F8: variants seen among roughly 807,000 people sequenced by gnomAD.
The protein encoded by F8 is antihemophilic factor.
In F8, 12 loss-of-function variants were observed where a neutral mutation model predicts 140.6. That is an observed-to-expected ratio of 0.09 (90% confidence interval 0.05 to 0.14). The LOEUF (loss-of-function observed/expected upper bound fraction) is 0.14, where lower values mean the gene tolerates loss of function less well. Among genes scored for constraint, F8 ranks in the 10% least tolerant of loss-of-function variants. F8 has a pLI of 1.00. For synonymous variants in F8, 585 were observed against 614.6 expected (o/e 0.95, Z 0.71); for missense variants, 1,354 against 1,720.7 (o/e 0.79, Z 3.77).
At chrX:154,946,145 G>A (rs782085997) in intron 13 of F8, among the ~76,000 whole-genome samples, 1 of 111,867 alleles carries the variant, frequency 8.9e-6, no homozygotes, top group African/African-American at 3.2e-5. Flanking sequence ...AACTAATATT[G>A]TTAAAATATC....
rs782684695 is a variant in F8, at chrX:154,910,529, G to A, written c.5220-3956C>T. ...GTATACACGTGTAACAAACCTGCAC[G>A]TTGTGCACATGTACCCTAGAACTTA... is the stretch of plus-strand genomic sequence containing the variant. On this transcript the variant is annotated intron_variant, in intron 14 of 25. Coordinates refer to ENST00000360256, the MANE Select transcript of F8 (RefSeq NM_000132.4). Among the ~76,000 whole-genome samples the A allele has an allele frequency of 9.0e-5, 10 of 111,698 alleles. No homozygotes were observed. In the South Asian group the frequency reaches 2.3e-3, roughly 26 times the overall value.
chrX:154,924,886 G>A (rs1031009511), intron 14 of F8, among the ~76,000 whole-genome samples: 4 of 112,082 alleles, frequency 3.6e-5, no homozygotes, highest in African/African-American at 1.3e-4. Flanking sequence ...TGGCTGTAGC[G>A]GCTGGGACAC....
At chrX:154,850,890 A>G (rs2072610748) in intron 25 of F8, among the ~76,000 whole-genome samples, 4 of 112,120 alleles carry the variant, frequency 3.6e-5, no homozygotes, top group Admixed American at 2.8e-4. Flanking sequence ...TGACTTATCT[A>G]TTGCAAAATT....
chrX:155,006,292 C>T (rs1197409965), intron 1 of F8, among the ~76,000 whole-genome samples: 1 of 77,862 alleles, frequency 1.3e-5, no homozygotes, highest in Non-Finnish European at 2.4e-5. Flanking sequence ...AGGGTGGATG[C>T]GAAGCAGTAA....
At chrX:154,875,344 A>G (rs1197312484) in intron 22 of F8, among the ~76,000 whole-genome samples, 1 of 111,899 alleles carries the variant, frequency 8.9e-6, no homozygotes, top group Non-Finnish European at 1.9e-5. Flanking sequence ...AAATTTGCTA[A>G]AAGAGTAGGT....
intron 1 of F8, among the ~76,000 whole-genome samples, chrX:155,015,162 T>C (rs1364101106): frequency 8.9e-6 from 1 of 111,792 alleles, no homozygotes; most frequent in Admixed American, 9.5e-5. Context: ...GGGAATTCAA[T>C]AGAGAAAGAA....
chrX:155,008,689 G>T (rs1178126882), intron 1 of F8, among the ~76,000 whole-genome samples: 1 of 110,337 alleles, frequency 9.1e-6, no homozygotes, highest in African/African-American at 3.3e-5. Context: ...TGCCTGTGGG[G>T]GCCACGCACC....
chrX:154,926,711 C>G (rs1185648733), intron 14 of F8, among the ~76,000 whole-genome samples: 2 of 111,582 alleles, frequency 1.8e-5, no homozygotes, highest in Non-Finnish European at 3.8e-5. Context: ...GAAGGCTGAG[C>G]AATCAGCAGG....
intron 24 of F8, among the ~76,000 whole-genome samples, chrX:154,861,124 T>G (rs981233509): frequency 1.8e-5 from 2 of 110,815 alleles, no homozygotes; most frequent in Admixed American, 9.6e-5. Flanking sequence ...TAGCATGATC[T>G]CAGCTCACTG....
chrX:154,843,726 C>T (rs2072540910), intron 25 of F8, among the ~76,000 whole-genome samples: 1 of 111,939 alleles, frequency 8.9e-6, no homozygotes, highest in Non-Finnish European at 1.9e-5. Context: ...AACATTTTCT[C>T]CCAATTTGTA....
chrX:155,005,393 A>G (rs1268699617), intron 1 of F8, among the ~76,000 whole-genome samples: 1 of 109,221 alleles, frequency 9.2e-6, no homozygotes, highest in Non-Finnish European at 1.9e-5. Context: ...CATGATGACC[A>G]GATACCTTAT....
At chrX:154,999,926 C>T (rs1301463925) in intron 1 of F8, among the ~76,000 whole-genome samples, 7 of 112,001 alleles carry the variant, frequency 6.2e-5, no homozygotes, top group African/African-American at 1.9e-4. Context: ...CAAATTTTGT[C>T]AGTATGTACC....
chrX:154,986,679 C>T (rs191022249), intron 5 of F8, among the ~76,000 whole-genome samples: 17 of 110,772 alleles, frequency 1.5e-4, no homozygotes. Flanking sequence ...ATCATGAGGG[C>T]CTCAATTAAG....
At chrX:154,932,092 T>C (rs2073201742) in intron 13 of F8, among the ~76,000 whole-genome samples, 1 of 112,317 alleles carries the variant, frequency 8.9e-6, no homozygotes, top group Admixed American at 9.4e-5. Context: ...TTGCCTGGAT[T>C]CAAATCCCAG....
Position 154,929,445 on chromosome X carries a change from C to T in F8, c.4345G>A (p.Glu1449Lys). 8.3e-7 allele frequency: 1 copy of T among 1,211,679 alleles called. No individual in the cohort carries two copies. The highest frequency in any genetic ancestry group is 1.1e-6 in the Non-Finnish European group (1 of 895,486). ...SYRKKDSGVQESSHFLQGAKK... is the reference protein window; with the variant it reads ...SYRKKDSGVQKSSHFLQGAKK... Reference sequence around the variant, plus strand: ...GCTCCTTGTAAGAAATGACTGCTTTCTTGGACCCCAGAATCTTTCTTTCTA... The same window carrying T: ...GCTCCTTGTAAGAAATGACTGCTTTTTTGGACCCCAGAATCTTTCTTTCTA... Residue 1449 changes from glutamate to lysine, a missense_variant, in exon 14 of 26, where the codon GAA becomes AAA. This residue lies in a region of F8 where 658 missense variants were observed against 666.5 expected (regional missense o/e 0.99). Coordinates refer to ENST00000360256, the MANE Select transcript of F8 (RefSeq NM_000132.4).
rs1557278745 is a variant in F8, at chrX:154,930,940, C to T, written c.2850G>A (p.Glu950=). The change falls in exon 14 of 26, where the codon GAG becomes GAA. Residue 950 remains glutamate, a synonymous_variant. Transcript: ENST00000360256. ...CACTCAAGCTCAGAGGTCCACCAGA[C>T]TCAGTAAGGGGAGATGACTTTTTGC... The part of the protein sequence containing the change: ...LFGKKSSPLT[E]SGGPLSLSEE... 7 of 1,197,113 alleles carry T rather than the reference C, an allele frequency of 5.8e-6. No homozygotes were observed. The highest frequency in any genetic ancestry group is 7.9e-6 in the Non-Finnish European group (7 of 889,263).
intron 13 of F8, among the ~76,000 whole-genome samples, chrX:154,945,645 T>G (rs2073300013): frequency 8.9e-6 from 1 of 112,003 alleles, no homozygotes; most frequent in African/African-American, 3.2e-5. Flanking sequence ...ATACCAAATG[T>G]GGAAAACCAA....
chrX:154,939,597 C>G (rs1557279525), intron 13 of F8, among the ~76,000 whole-genome samples: 1 of 112,862 alleles, frequency 8.9e-6, no homozygotes. Context: ...GGGCAGGGCA[C>G]AGACAAACAA....
chrX:154,946,878 AAAAC>A (rs2073307627), intron 13 of F8, among the ~76,000 whole-genome samples: 2 of 111,836 alleles, frequency 1.8e-5, no homozygotes, highest in South Asian at 7.5e-4. Context: ...AATAGCAAAA[AAAAC>A]AAAGAACCCT....
Sources: allele counts gnomAD v4.1 joint callset (sites outside exome capture counted in the v4.1 genomes callset), GRCh38; gene constraint gnomAD v4.1.1; regional missense constraint gnomAD v4.1.1; transcripts MANE v1.5; gene names NCBI Gene and HGNC (gene_info 2026-07-23, HGNC 2026-07-21).